ASAP2: variants seen among roughly 807,000 people sequenced by gnomAD.
ASAP2 encodes the protein arf-GAP with SH3 domain, ANK repeat and PH domain-containing protein 2.
A neutral mutation model predicts 131.4 loss-of-function variants in ASAP2; 45 were observed. The ratio of observed to expected loss-of-function variants is 0.34; its 90% CI spans 0.27 to 0.44. The LOEUF (loss-of-function observed/expected upper bound fraction) is 0.44, where lower values mean the gene tolerates loss of function less well. Among genes scored for constraint, ASAP2 ranks in the 20% least tolerant of loss-of-function variants. ASAP2 has a pLI of 1.00. For missense variants in ASAP2, 1,011 were observed against 1,297.0 expected, an observed-to-expected ratio of 0.78 and a Z score of 3.39; for synonymous variants, 510 against 503.0, an observed-to-expected ratio of 1.01 and a Z score of -0.19.
intron 1 of ASAP2, among the ~76,000 whole-genome samples, chr2:9,228,351 A>G (rs1047530952): frequency 2.6e-5 from 4 of 152,062 alleles, no homozygotes; most frequent in Non-Finnish European, 4.4e-5. Flanking sequence ...CTGCCTACTC[A>G]CTTGGTGTTA....
chr2:9,212,452 A>G (rs1464851857), intron 1 of ASAP2, among the ~76,000 whole-genome samples: 3 of 151,910 alleles, frequency 2.0e-5, no homozygotes, highest in African/African-American at 7.3e-5. Context: ...AAGCTGGTTC[A>G]TTCTGGTCTT....
chr2:9,365,437 ATTG>A (rs1274802402), intron 15 of ASAP2, among the ~76,000 whole-genome samples: 1 of 152,250 alleles, frequency 6.6e-6, no homozygotes, highest in Admixed American at 6.5e-5. Flanking sequence ...TGTCACAGCA[ATTG>A]TTGTCCTTCC....
At chr2:9,270,174 G>A (rs1368848468) in intron 1 of ASAP2, among the ~76,000 whole-genome samples, 2 of 152,204 alleles carry the variant, frequency 1.3e-5, no homozygotes, top group African/African-American at 2.4e-5. Flanking sequence ...CTGGCCAGGC[G>A]GCAGCTGCAG....
chr2:9,322,820 A>C (rs10210653), intron 5 of ASAP2, among the ~76,000 whole-genome samples: 64,001 of 151,992 alleles, frequency 0.42, 15,041 homozygotes, highest in African/African-American at 0.64. Flanking sequence ...AGAGGGCAGG[A>C]AGGCTCTGAA....
intron 24 of ASAP2, among the ~76,000 whole-genome samples, chr2:9,395,771 C>A (rs181685089): frequency 6.6e-6 from 1 of 151,278 alleles, no homozygotes; most frequent in Non-Finnish European, 1.5e-5. Flanking sequence ...CCACGCCTGG[C>A]CAATTTTTTA....
chr2:9,354,212 G>C lies in ASAP2; in HGVS notation c.1112-1835G>C, dbSNP rs1322964334. ...TCCCCTGAGTAGGATGGAGCCAGAGGGAGTCAATGACCTTCCAGGTCCACA... is the reference window on the plus strand; with the variant it reads ...TCCCCTGAGTAGGATGGAGCCAGAGCGAGTCAATGACCTTCCAGGTCCACA... On this transcript the variant is annotated intron_variant, in intron 12 of 27. Transcript: ENST00000281419. Among the ~76,000 whole-genome samples the C allele has an allele frequency of 2.6e-5, 4 of 152,188 alleles. No homozygotes were observed. The East Asian group carries it at 5.8e-4, about 22-fold the overall frequency.
At chr2:9,266,586 C>T (rs925896299) in intron 1 of ASAP2, among the ~76,000 whole-genome samples, 2 of 152,116 alleles carry the variant, frequency 1.3e-5, no homozygotes, top group Non-Finnish European at 2.9e-5. Flanking sequence ...ACCTTGTTAC[C>T]CAGGCTAGCC....
At chr2:9,342,491 A>G (rs911811915) in intron 9 of ASAP2, among the ~76,000 whole-genome samples, 5 of 152,230 alleles carry the variant, frequency 3.3e-5, no homozygotes, top group African/African-American at 1.2e-4. Flanking sequence ...ACCTCACACC[A>G]TAATCACAAT....
At chr2:9,283,299 A>C (rs1667252018) in intron 2 of ASAP2, among the ~76,000 whole-genome samples, 1 of 152,170 alleles carries the variant, frequency 6.6e-6, no homozygotes, top group Non-Finnish European at 1.5e-5. Context: ...GCTGATCTCG[A>C]GCTTCTGACC....
intron 1 of ASAP2, among the ~76,000 whole-genome samples, chr2:9,265,438 A>G (rs931019651): frequency 1.3e-5 from 2 of 152,216 alleles, no homozygotes; most frequent in Non-Finnish European, 2.9e-5. Context: ...GCTCAGAGTT[A>G]AAGACCTCAA....
intron 1 of ASAP2, among the ~76,000 whole-genome samples, chr2:9,252,187 G>A (rs541790197): frequency 6.6e-6 from 1 of 152,328 alleles, no homozygotes; most frequent in South Asian, 2.1e-4. Flanking sequence ...CAGCTGCTAG[G>A]ACTGCATTGG....
At chr2:9,227,327 T>C (rs6737102) in intron 1 of ASAP2, among the ~76,000 whole-genome samples, 34,294 of 152,070 alleles carry the variant, frequency 0.23, 4,039 homozygotes, top group Non-Finnish European at 0.25. Context: ...CGCATGAGTG[T>C]TGTGCTGACC....
intron 1 of ASAP2, among the ~76,000 whole-genome samples, chr2:9,260,173 G>A (rs765255466): frequency 2.0e-5 from 3 of 152,216 alleles, no homozygotes; most frequent in East Asian, 1.9e-4. Flanking sequence ...ATTACTGCCC[G>A]CATTTTAAGG....
At chr2:9,377,338 G>A (rs1572586057) in intron 18 of ASAP2, among the ~76,000 whole-genome samples, 1 of 152,234 alleles carries the variant, frequency 6.6e-6, no homozygotes, top group Non-Finnish European at 1.5e-5. Context: ...ATCGTACTGC[G>A]CAAGCAGTGT....
At chr2:9,238,204 A>G (rs1198584792) in intron 1 of ASAP2, among the ~76,000 whole-genome samples, 1 of 152,212 alleles carries the variant, frequency 6.6e-6, no homozygotes, top group Non-Finnish European at 1.5e-5. Context: ...TTTAGATTGT[A>G]TGCTGGTTCC....
intron 6 of ASAP2, among the ~76,000 whole-genome samples, chr2:9,326,920 G>C (rs1253067476): frequency 6.6e-6 from 1 of 152,144 alleles, no homozygotes. Flanking sequence ...ATTCCTGGGA[G>C]TAGAATTTCT....
chr2:9,283,146 C>A (rs1354114677), intron 2 of ASAP2, among the ~76,000 whole-genome samples: 1 of 152,038 alleles, frequency 6.6e-6, no homozygotes, highest in Admixed American at 6.5e-5. Context: ...GGCATGATCT[C>A]GGCTCACTGC....
intron 1 of ASAP2, chr2:9,271,147 C>G (rs1322390656): frequency 8.1e-6 from 4 of 495,512 alleles, no homozygotes; most frequent in African/African-American, 5.8e-5. Context: ...AGGAGTTACA[C>G]TAGTCCAAGT....
Position 9,247,378 on chromosome 2 carries a change from C to T in ASAP2, c.127-31939C>T, listed in dbSNP as rs374672166. On this transcript the variant is annotated intron_variant, in intron 1 of 27. Coordinates refer to ENST00000281419, the MANE Select transcript of ASAP2 (RefSeq NM_003887.3). ...TAGGGAGTCCCAGACGGTCCCCGGT[C>T]CTCATTTGCACGAGGCGAATCAGTT... Among the ~76,000 whole-genome samples the T allele has an allele frequency of 2.6e-5, 4 of 152,330 alleles. No individual in the cohort carries two copies. The East Asian group carries it at 7.7e-4, about 29-fold the overall frequency.
Sources: gnomAD v4.1 joint callset for allele counts (sites outside exome capture counted in the v4.1 genomes callset) on GRCh38, gnomAD v4.1.1 for gene constraint, MANE v1.5 for transcripts, NCBI Gene and HGNC (gene_info 2026-07-23, HGNC 2026-07-21) for gene names.